The following BCL11B variants were observed in gnomAD, a reference collection of about 807,000 sequenced individuals.
BCL11B encodes the protein BCL11 transcription factor B.
A neutral mutation model predicts 49.9 loss-of-function variants in BCL11B; 8 were observed. The ratio of observed to expected loss-of-function variants is 0.16; its 90% CI spans 0.09 to 0.29. The LOEUF (loss-of-function observed/expected upper bound fraction) is 0.29, where lower values mean the gene tolerates loss of function less well. BCL11B is among the 10% of genes least tolerant of loss of function. The pLI is 1.00. For missense variants in BCL11B, 1,006 were observed against 1,351.0 expected, an observed-to-expected ratio of 0.74 and a Z score of 4.00; for synonymous variants, 739 against 637.4, an observed-to-expected ratio of 1.16 and a Z score of -2.40.
chr14:99,238,953 C>A (rs1046041789), intron 2 of BCL11B, among the ~76,000 whole-genome samples: 1 of 152,178 alleles, frequency 6.6e-6, no homozygotes, highest in African/African-American at 2.4e-5. Flanking sequence ...TGTGCATGCA[C>A]TTCTATTATC....
In BCL11B at chr14:99,196,369, A is replaced by G. The variant is rs189783015; in HGVS notation, c.641-20174T>C. ...ACCGTGATACCTTCTGTGGACCTGA[A>G]AAAAACAGGGGCTGGGGGTGCACCG... On this transcript the variant is annotated intron_variant, in intron 3 of 3. Transcript: ENST00000357195. Among the ~76,000 whole-genome samples, 8 of 152,238 alleles carry G rather than the reference A, an allele frequency of 5.3e-5. No homozygotes were observed. In the East Asian group the frequency reaches 1.5e-3, roughly 29 times the overall value.
Position 99,172,854 on chromosome 14 carries a change from A to G in BCL11B, c.*1297T>C, listed in dbSNP as rs1178533967. ...CAACCTAATGAGATAGGAAAAAAAA[A>G]ATAAAAACCTGGGAAGTAGCGCTGG... On this transcript the variant is annotated 3_prime_UTR_variant, in exon 4 of 4. Coordinates refer to ENST00000357195, the MANE Select transcript of BCL11B (RefSeq NM_138576.4). 4.4e-6 allele frequency: 1 copy of G among 226,918 alleles called. No homozygotes were observed. Among genetic ancestry groups the G allele is most frequent in the Admixed American group, 5.7e-5 (1 of 17,602 alleles). The allele number at this position is 226,918 out of a possible 1,614,324, so 14.1% of individuals were successfully genotyped here.
intron 3 of BCL11B, among the ~76,000 whole-genome samples, chr14:99,181,821 G>A (rs1308765129): frequency 6.6e-6 from 1 of 152,182 alleles, no homozygotes; most frequent in African/African-American, 2.4e-5. Flanking sequence ...CCCCACTCTG[G>A]ACTTCAGGGT....
At chr14:99,237,832 G>T (rs1888548685) in intron 2 of BCL11B, among the ~76,000 whole-genome samples, 1 of 152,102 alleles carries the variant, frequency 6.6e-6, no homozygotes, top group Admixed American at 6.5e-5. Context: ...GGCTGAGGAG[G>T]GTAAGAATTC....
chr14:99,191,744 G>T (rs1887037464), intron 3 of BCL11B, among the ~76,000 whole-genome samples: 1 of 151,974 alleles, frequency 6.6e-6, no homozygotes. Flanking sequence ...TGCTCCGAGT[G>T]ACTTCCCTCC....
At position 99,207,816 on chromosome 14, in the gene BCL11B, G is replaced by C. The variant is rs149599150; in HGVS notation, c.640+23529C>G. On this transcript the variant is annotated intron_variant, in intron 3 of 3. Coordinates refer to ENST00000357195, the MANE Select transcript of BCL11B (RefSeq NM_138576.4). ...GGAGCCCAGTGGAGCAAGGAGCCCA[G>C]TGGAGCAGAGCTCAGCTGCCAACAA... 3.9e-5 allele frequency among the ~76,000 whole-genome samples: 6 copies of C among 152,292 alleles called. No individual in the cohort carries two copies. The East Asian group carries it at 9.7e-4, about 25-fold the overall frequency.
At chr14:99,217,856 T>C (rs2139858594) in intron 3 of BCL11B, among the ~76,000 whole-genome samples, 1 of 152,272 alleles carries the variant, frequency 6.6e-6, no homozygotes, top group African/African-American at 2.4e-5. Flanking sequence ...GGTGACATCA[T>C]CACATGCCAG....
Position 99,175,033 on chromosome 14 carries a change from G to C in BCL11B, c.1803C>G (p.Asn601Lys). The change falls in exon 4 of 4, where the codon AAC (asparagine) becomes AAG (lysine). Residue 601 changes from asparagine (N) to lysine (K), a missense_variant. By Grantham distance (94) the Asn-to-Lys change is moderately conservative (BLOSUM62 0). Around this residue, in one of 6 missense-constraint regions of BCL11B, gnomAD observed 443 missense variants for 499.7 expected, o/e 0.89. Coordinates refer to ENST00000357195, the MANE Select transcript of BCL11B (RefSeq NM_138576.4). ...ACTGCGGCAGTGCGCCTAGGCCCAC[G>C]TTCTCCATGACCTTGCCCAGCACCA... is the stretch of plus-strand genomic sequence containing the variant. ...KALVLGKVME[N>K]VGLGALPQYG... 1 of 1,596,724 alleles carries C rather than the reference G, an allele frequency of 6.3e-7. No homozygotes were observed. The highest frequency in any genetic ancestry group is 1.1e-5 in the South Asian group (1 of 90,994).
At chr14:99,245,057 T>C (rs1152793) in intron 2 of BCL11B, among the ~76,000 whole-genome samples, 38,963 of 152,148 alleles carry the variant, frequency 0.26, 5,442 homozygotes, top group South Asian at 0.46. Flanking sequence ...TACAGTTTTA[T>C]TTCCAGAGTA....
In BCL11B at chr14:99,257,880, G is replaced by T; in HGVS notation, c.59-41C>A. Reference sequence around the variant, plus strand: ...AGAAAGGGAAGGGGCAGAGAAGATAGAGATGGGCTTAGGCGGTCACAGCAC... The same window carrying T: ...AGAAAGGGAAGGGGCAGAGAAGATATAGATGGGCTTAGGCGGTCACAGCAC... On this transcript the variant is annotated intron_variant, in intron 1 of 3. Transcript: ENST00000357195. The surrounding 1 kb of genome is among the most constrained non-coding windows in gnomAD (Gnocchi z 6.2). 6.7e-7 allele frequency: 1 copy of T among 1,488,618 alleles called. No homozygotes were observed. The allele number at this position is 1,488,618 out of a possible 1,614,324, so 92.2% of individuals were successfully genotyped here.
chr14:99,200,763 G>T (rs954672540), intron 3 of BCL11B, among the ~76,000 whole-genome samples: 7 of 152,230 alleles, frequency 4.6e-5, no homozygotes, highest in African/African-American at 1.7e-4. Flanking sequence ...ATGAGAGCCG[G>T]CAAGTCCTGG....
At chr14:99,224,835 C>T (rs902551595) in intron 3 of BCL11B, among the ~76,000 whole-genome samples, 1 of 152,180 alleles carries the variant, frequency 6.6e-6, no homozygotes, top group Non-Finnish European at 1.5e-5. Context: ...CGAGGATGGC[C>T]CCATCTCGAG....
chr14:99,232,845 A>G lies in BCL11B; in HGVS notation c.428-1288T>C, dbSNP rs1888378199. Among the ~76,000 whole-genome samples, 2 of 152,048 alleles carry G rather than the reference A, an allele frequency of 1.3e-5. No individual in the cohort carries two copies. The highest frequency in any genetic ancestry group is 4.1e-4 in the South Asian group (2 of 4,820). On this transcript the variant is annotated intron_variant, in intron 2 of 3. Transcript: ENST00000357195. This position sits in a 1 kb window ranked among gnomAD's most constrained non-coding sequence, Gnocchi z 5.1. ...TCTGTAGCCCTGGTTTCTCTAAAAC[A>G]TGGGTTATCCAGGATCAAGGCATCA...
At chr14:99,221,389 C>T (rs1277473001) in intron 3 of BCL11B, among the ~76,000 whole-genome samples, 1 of 152,246 alleles carries the variant, frequency 6.6e-6, no homozygotes, top group East Asian at 1.9e-4. Flanking sequence ...TCTGCAGGTA[C>T]TGACTCCATT....
In BCL11B at chr14:99,241,059, T is replaced by C. The variant is rs1888655080; in HGVS notation, c.428-9502A>G. On this transcript the variant is annotated intron_variant, in intron 2 of 3. Transcript: ENST00000357195. The surrounding 1 kb of genome is among the most constrained non-coding windows in gnomAD (Gnocchi z 4.4). Reference sequence around the variant, plus strand: ...AGCTGTCTTTGAAACAGAGCTGATGTGCTGGACCTCAGACAGAATTGACTG... The same window carrying C: ...AGCTGTCTTTGAAACAGAGCTGATGCGCTGGACCTCAGACAGAATTGACTG... Among the ~76,000 whole-genome samples, 1 of 152,154 alleles carries C rather than the reference T, an allele frequency of 6.6e-6. No individual in the cohort carries two copies. Among genetic ancestry groups the C allele is most frequent in the Non-Finnish European group, 1.5e-5 (1 of 68,016 alleles).
chr14:99,230,496 GC>G (rs1202147948), intron 3 of BCL11B, among the ~76,000 whole-genome samples: 1 of 152,122 alleles, frequency 6.6e-6, no homozygotes, highest in African/African-American at 2.4e-5. Flanking sequence ...GCCAGGCCCT[GC>G]CGAGATGCCG....
At chr14:99,212,646 A>T (rs1350356050) in intron 3 of BCL11B, among the ~76,000 whole-genome samples, 1 of 152,148 alleles carries the variant, frequency 6.6e-6, no homozygotes, top group Non-Finnish European at 1.5e-5. Context: ...GGGAGGGCAC[A>T]GGTGACACGG....
intron 2 of BCL11B, among the ~76,000 whole-genome samples, chr14:99,234,369 C>T (rs1162815658): frequency 6.6e-6 from 1 of 152,176 alleles, no homozygotes; most frequent in African/African-American, 2.4e-5. Flanking sequence ...TACCTCCCAG[C>T]CCCCATCCTT....
intron 3 of BCL11B, among the ~76,000 whole-genome samples, chr14:99,181,023 G>T (rs1401166540): frequency 6.6e-6 from 1 of 152,090 alleles, no homozygotes; most frequent in Non-Finnish European, 1.5e-5. Flanking sequence ...ACCAATAAAG[G>T]TATCAGAGAT....
Sources: allele counts gnomAD v4.1 joint callset (sites outside exome capture counted in the v4.1 genomes callset), GRCh38; gene constraint gnomAD v4.1.1; regional missense constraint gnomAD v4.1.1; non-coding constraint Gnocchi (gnomAD v3.1); transcripts MANE v1.5; gene names NCBI Gene and HGNC (gene_info 2026-07-23, HGNC 2026-07-21).